RBFOX2: variants seen among roughly 807,000 people sequenced by gnomAD.
RBFOX2 encodes RNA binding fox-1 homolog 2.
Under a neutral mutation model 49.1 loss-of-function variants are expected in RBFOX2, and 10 were observed. The observed-to-expected ratio is 0.20, with a 90% CI of 0.13 to 0.35. RBFOX2 has a LOEUF of 0.35. RBFOX2 is among the 10% of genes least tolerant of loss of function. RBFOX2 has a pLI of 1.00. For missense variants in RBFOX2, 323 were observed against 486.9 expected (o/e 0.66, Z 3.17); for synonymous variants, 183 against 187.4 (o/e 0.98, Z 0.19).
chr22:35,840,553 A>T, exon 1 of RBFOX2: 24 of 1,180,166 alleles, frequency 2.0e-5, no homozygotes, highest in Admixed American at 3.8e-5. Context: ...GCAGGCTGAC[A>T]TCTCCCAACT....
At chr22:35,840,820 A>G (rs1184152140), upstream of RBFOX2, among the ~76,000 whole-genome samples, 1 of 152,272 alleles carries the variant, frequency 6.6e-6, no homozygotes, top group Non-Finnish European at 1.5e-5. Flanking sequence ...AAATGAAACA[A>G]AATTATTTTT....
At position 35,838,615 on chromosome 22, in the gene RBFOX2, G is replaced by A. The variant is rs532844007; in HGVS notation, c.27+1577C>T. Among the ~76,000 whole-genome samples the A allele has an allele frequency of 1.2e-4, 18 of 152,218 alleles. 1 individual carries two copies. In the South Asian group the frequency reaches 3.5e-3, roughly 30 times the overall value. On this transcript the variant is annotated intron_variant, in intron 1 of 11. Coordinates refer to ENST00000405409, the Ensembl canonical transcript of RBFOX2. ...CTCTGCCTCATCTTTCTTCTTTTGC[G>A]CTTCAGCCTGCGCATTCGCTTCTTC...
chr22:35,837,353 C>T (rs1470109484), intron 1 of RBFOX2, among the ~76,000 whole-genome samples: 5 of 152,130 alleles, frequency 3.3e-5, no homozygotes, highest in Non-Finnish European at 5.9e-5. Flanking sequence ...GAAAACACAT[C>T]CATACATCGC....
chr22:35,993,532 A>G (rs1032822492), intron 1 of RBFOX2: 5 of 152,234 alleles, frequency 3.3e-5, no homozygotes, highest in African/African-American at 1.2e-4. Flanking sequence ...AATGCAGCCC[A>G]GTCAAAAGCT....
chr22:35,876,307 C>G (rs867334822), intron 1 of RBFOX2, among the ~76,000 whole-genome samples: 1 of 152,006 alleles, frequency 6.6e-6, no homozygotes, highest in South Asian at 2.1e-4. Context: ...CTCTCTGCAA[C>G]CTCCACCTCC....
At chr22:35,977,731 T>TAG (rs1569517050) in intron 1 of RBFOX2, among the ~76,000 whole-genome samples, 2 of 57,492 alleles carry the variant, frequency 3.5e-5, no homozygotes, top group African/African-American at 8.8e-5. Flanking sequence ...ACTATATATA[T>TAG]ATATATATAT....
At chr22:35,802,834 T>C (rs1479656013) in intron 2 of RBFOX2, among the ~76,000 whole-genome samples, 2 of 152,070 alleles carry the variant, frequency 1.3e-5, no homozygotes, top group African/African-American at 2.4e-5. Flanking sequence ...TGAAACTACA[T>C]GGATGAGGAA....
exon 5 of RBFOX2, chr22:35,768,311 T>A (rs894908207): frequency 1.2e-6 from 2 of 1,614,214 alleles, no homozygotes; most frequent in Admixed American, 3.3e-5. Flanking sequence ...TGGCCCTGTC[T>A]GCATCAGCAC....
intron 1 of RBFOX2, among the ~76,000 whole-genome samples, chr22:35,912,304 T>C (rs1236053527): frequency 6.6e-6 from 1 of 152,224 alleles, no homozygotes; most frequent in East Asian, 1.9e-4. Context: ...CATTCATTAA[T>C]ACCAACCCAT....
At chr22:35,932,178 C>G (rs1377162649) in intron 1 of RBFOX2, among the ~76,000 whole-genome samples, 1 of 152,014 alleles carries the variant, frequency 6.6e-6, no homozygotes, top group Non-Finnish European at 1.5e-5. Flanking sequence ...GTCATCATTT[C>G]TTCAATCAAG....
intron 2 of RBFOX2, among the ~76,000 whole-genome samples, chr22:35,782,422 C>T (rs779923829): frequency 7.9e-5 from 12 of 152,088 alleles, no homozygotes; most frequent in African/African-American, 1.9e-4. Flanking sequence ...CCCGGGTTCA[C>T]GCCATTCTCC....
exon 12 of RBFOX2, chr22:35,741,832 T>C (rs537954254): frequency 6.5e-6 from 1 of 152,732 alleles, no homozygotes; most frequent in South Asian, 2.1e-4. Flanking sequence ...TACCTCTTTC[T>C]AGGAAAAAAG....
At chr22:36,022,684 T>C (rs1369437649) in intron 1 of RBFOX2, among the ~76,000 whole-genome samples, 1 of 152,154 alleles carries the variant, frequency 6.6e-6, no homozygotes, top group African/African-American at 2.4e-5. Flanking sequence ...CCCAGTGTAA[T>C]GGTATTTGGA....
At chr22:35,871,860 G>A (rs1348693531) in intron 1 of RBFOX2, among the ~76,000 whole-genome samples, 3 of 152,168 alleles carry the variant, frequency 2.0e-5, no homozygotes, top group South Asian at 2.1e-4. Context: ...ATGAGGTATC[G>A]AATTATTTGA....
intron 1 of RBFOX2, among the ~76,000 whole-genome samples, chr22:35,934,111 A>G (rs1483584942): frequency 1.3e-5 from 2 of 151,542 alleles, no homozygotes; most frequent in East Asian, 3.9e-4. Flanking sequence ...ATACAAATCT[A>G]GATAGACAGT....
intron 1 of RBFOX2, among the ~76,000 whole-genome samples, chr22:35,958,013 A>G (rs1313907894): frequency 6.6e-6 from 1 of 152,254 alleles, no homozygotes; most frequent in Non-Finnish European, 1.5e-5. Context: ...AATACATTTC[A>G]AAGGATCATT....
upstream of RBFOX2, among the ~76,000 whole-genome samples, chr22:35,940,739 G>T (rs1368849837): frequency 6.6e-6 from 1 of 152,152 alleles, no homozygotes; most frequent in East Asian, 1.9e-4. Flanking sequence ...CATCCATAGT[G>T]GAATATTATT....
chr22:35,923,769 G>A (rs958312899), intron 1 of RBFOX2, among the ~76,000 whole-genome samples: 1 of 150,032 alleles, frequency 6.7e-6, no homozygotes, highest in Non-Finnish European at 1.5e-5. Flanking sequence ...AAATGAGAAT[G>A]GGTATGAAAG....
At chr22:35,992,206 C>T (rs2058011611) in intron 1 of RBFOX2, 1 of 152,134 alleles carries the variant, frequency 6.6e-6, no homozygotes, top group South Asian at 2.1e-4. Flanking sequence ...CTCAAAGTAT[C>T]ATTACTAGCA....
Sources: gnomAD v4.1 joint callset for allele counts (sites outside exome capture counted in the v4.1 genomes callset) on GRCh38, gnomAD v4.1.1 for gene constraint, MANE v1.5 for transcripts, NCBI Gene and HGNC (gene_info 2026-07-23, HGNC 2026-07-21) for gene names.